SPIDR: variants seen among roughly 807,000 people sequenced by gnomAD.
The protein encoded by SPIDR is scaffold protein involved in DNA repair.
A neutral mutation model predicts 104.6 loss-of-function variants in SPIDR; 93 were observed. The ratio of observed to expected loss-of-function variants is 0.89; its 90% CI spans 0.75 to 1.06. The LOEUF (loss-of-function observed/expected upper bound fraction) is 1.06. Among genes scored for constraint, SPIDR ranks in the 50% least tolerant of loss-of-function variants. The pLI is 0.00. For synonymous variants in SPIDR, 431 were observed against 416.9 expected, an observed-to-expected ratio of 1.03 and a Z score of -0.41; for missense variants, 1,154 against 1,111.2, an observed-to-expected ratio of 1.04 and a Z score of -0.55.
intron 8 of SPIDR, among the ~76,000 whole-genome samples, chr8:47,478,179 A>G (rs1235083726): frequency 1.3e-5 from 2 of 152,190 alleles, no homozygotes; most frequent in African/African-American, 4.8e-5. Flanking sequence ...GACAGAAATA[A>G]TGTGAAGAAT....
chr8:47,380,844 C>A (rs1310136108), intron 5 of SPIDR, among the ~76,000 whole-genome samples: 2 of 152,152 alleles, frequency 1.3e-5, no homozygotes, highest in African/African-American at 4.8e-5. Context: ...CTCTCACTAG[C>A]TGGCTGATTT....
At chr8:47,468,033 C>G (rs971393238) in intron 8 of SPIDR, among the ~76,000 whole-genome samples, 1 of 152,032 alleles carries the variant, frequency 6.6e-6, no homozygotes, top group Admixed American at 6.6e-5. Context: ...AATCAGTGCG[C>G]AAAATTCACT....
chr8:47,710,364 C>T (rs561320625), intron 14 of SPIDR, among the ~76,000 whole-genome samples: 1 of 152,202 alleles, frequency 6.6e-6, no homozygotes, highest in Admixed American at 6.5e-5. Flanking sequence ...AGACCACTGG[C>T]CAAATCCAAA....
At chr8:47,294,104 G>GTTT in intron 5 of SPIDR, 74 bp downstream of exon 5, 1 of 1,193,046 alleles carries the variant, frequency 8.4e-7, no homozygotes, top group Non-Finnish European at 1.1e-6. Context: ...TTTTTTTTTT[G>GTTT]TTTTTTTTTT....
At chr8:47,606,658 T>G (rs992799420) in intron 10 of SPIDR, among the ~76,000 whole-genome samples, 1 of 152,192 alleles carries the variant, frequency 6.6e-6, no homozygotes, top group Non-Finnish European at 1.5e-5. Flanking sequence ...CATTAGCCTT[T>G]GCATGTGTTT....
chr8:47,417,865 A>C (rs1289333203), intron 7 of SPIDR, among the ~76,000 whole-genome samples: 1 of 151,852 alleles, frequency 6.6e-6, no homozygotes, highest in African/African-American at 2.4e-5. Flanking sequence ...TCCCAGCACC[A>C]TTTATTAAAT....
chr8:47,348,702 A>G (rs782414056), intron 5 of SPIDR, among the ~76,000 whole-genome samples: 1 of 151,980 alleles, frequency 6.6e-6, no homozygotes, highest in African/African-American at 2.4e-5. Context: ...CATTTCATTC[A>G]TTTGATCTTC....
At chr8:47,507,649 A>G (rs2081690539) in intron 8 of SPIDR, among the ~76,000 whole-genome samples, 1 of 152,190 alleles carries the variant, frequency 6.6e-6, no homozygotes, top group Admixed American at 6.5e-5. Context: ...TATGCTATAT[A>G]TATATGACTT....
At chr8:47,410,453 T>C (rs1014140952) in intron 7 of SPIDR, among the ~76,000 whole-genome samples, 1 of 152,124 alleles carries the variant, frequency 6.6e-6, no homozygotes, top group East Asian at 1.9e-4. Flanking sequence ...AGTGCTGGGA[T>C]TACAGGTGTG....
intron 8 of SPIDR, chr8:47,511,905 A>G: frequency 1.3e-6 from 1 of 795,870 alleles, no homozygotes; most frequent in South Asian, 1.4e-5. Context: ...CATCTTGGTC[A>G]TGAGTGAGAT....
chr8:47,268,488 C>G (rs944118897), intron 1 of SPIDR, among the ~76,000 whole-genome samples: 5 of 152,286 alleles, frequency 3.3e-5, no homozygotes, highest in African/African-American at 1.2e-4. Flanking sequence ...TCTTTAATTT[C>G]TATCTATGTT....
At chr8:47,296,477 G>A (rs1457969503) in intron 5 of SPIDR, among the ~76,000 whole-genome samples, 1 of 152,028 alleles carries the variant, frequency 6.6e-6, no homozygotes, top group Admixed American at 6.5e-5. Flanking sequence ...TCTTTCTTTT[G>A]CATGTGGTTA....
intron 10 of SPIDR, among the ~76,000 whole-genome samples, chr8:47,645,928 G>T (rs2070259179): frequency 6.6e-6 from 1 of 152,136 alleles, no homozygotes; most frequent in Non-Finnish European, 1.5e-5. Context: ...TGAGGTGGAA[G>T]TTTTTTCTTG....
At chr8:47,651,482 C>T (rs1282647431) in intron 10 of SPIDR, among the ~76,000 whole-genome samples, 1 of 152,082 alleles carries the variant, frequency 6.6e-6, no homozygotes, top group Non-Finnish European at 1.5e-5. Context: ...GAAAGGGGAA[C>T]GCTTATACAG....
At chr8:47,503,259 T>C (rs969176072) in intron 8 of SPIDR, among the ~76,000 whole-genome samples, 6 of 152,224 alleles carry the variant, frequency 3.9e-5, no homozygotes, top group Non-Finnish European at 4.4e-5. Flanking sequence ...GCATTGTTAC[T>C]GTGTGGGAGT....
chr8:47,422,219 G>GAGGC (rs1264058229), intron 7 of SPIDR, among the ~76,000 whole-genome samples: 9 of 152,348 alleles, frequency 5.9e-5, no homozygotes, highest in African/African-American at 2.2e-4. Flanking sequence ...GGAGTCTACA[G>GAGGC]AGGCAGGCAG....
chr8:47,464,708 G>T (rs2074493161), intron 8 of SPIDR, among the ~76,000 whole-genome samples: 1 of 151,504 alleles, frequency 6.6e-6, no homozygotes, highest in Non-Finnish European at 1.5e-5. Context: ...CTCCCCTCCT[G>T]TCCCATCCCA....
chr8:47,589,474 G>T (rs534764145), intron 8 of SPIDR, among the ~76,000 whole-genome samples: 1 of 150,856 alleles, frequency 6.6e-6, no homozygotes, highest in South Asian at 2.1e-4. Flanking sequence ...GCAGTGAACC[G>T]AGATCACACC....
intron 5 of SPIDR, among the ~76,000 whole-genome samples, chr8:47,317,758 G>C (rs1250532881): frequency 6.6e-6 from 1 of 152,046 alleles, no homozygotes; most frequent in Non-Finnish European, 1.5e-5. Context: ...ACTTCCAGAG[G>C]AACAATCAGG....
Sources: allele counts gnomAD v4.1 joint callset (sites outside exome capture counted in the v4.1 genomes callset), GRCh38; gene constraint gnomAD v4.1.1; transcripts MANE v1.5; gene names NCBI Gene and HGNC (gene_info 2026-07-23, HGNC 2026-07-21).